Variants in FGF7 observed in about 807,000 individuals in gnomAD.
The protein encoded by FGF7 is FGF-7.
In FGF7, 6 loss-of-function variants were observed where a neutral mutation model predicts 20.5. That is an observed-to-expected ratio of 0.29 (90% confidence interval 0.16 to 0.58). FGF7 has a LOEUF of 0.58. Ranked by LOEUF, FGF7 falls within the 20% of genes least tolerant of loss-of-function variation. The pLI, the probability that FGF7 is intolerant of heterozygous loss-of-function variation, is 0.90. For missense variants in FGF7, 144 were observed against 228.8 expected (o/e 0.63, Z 2.39); for synonymous variants, 64 against 74.7 (o/e 0.86, Z 0.74).
chr15:49,436,353 T>C (rs1445126884), intron 2 of FGF7, among the ~76,000 whole-genome samples: 1 of 151,740 alleles, frequency 6.6e-6, no homozygotes, highest in East Asian at 1.9e-4. Flanking sequence ...CATCATTGTA[T>C]ATTAAGGAGC....
At chr15:49,465,490 C>T (rs1359232425) in intron 2 of FGF7, among the ~76,000 whole-genome samples, 2 of 151,980 alleles carry the variant, frequency 1.3e-5, no homozygotes, top group Non-Finnish European at 2.9e-5. Flanking sequence ...GATATGCTAT[C>T]TTACAGAGTA....
At chr15:49,480,681 C>T (rs1487512218) in intron 2 of FGF7, among the ~76,000 whole-genome samples, 1 of 152,072 alleles carries the variant, frequency 6.6e-6, no homozygotes, top group Non-Finnish European at 1.5e-5. Context: ...CGGGGTTTCG[C>T]CATGTTGGCC....
At chr15:49,438,867 G>A (rs2051349710) in intron 2 of FGF7, among the ~76,000 whole-genome samples, 1 of 151,320 alleles carries the variant, frequency 6.6e-6, no homozygotes, top group African/African-American at 2.4e-5. Context: ...GTGAGAGAAG[G>A]AAAGATAAGA....
chr15:49,472,861 C>T (rs1244375995), intron 2 of FGF7, among the ~76,000 whole-genome samples: 1 of 152,084 alleles, frequency 6.6e-6, no homozygotes, highest in East Asian at 1.9e-4. Flanking sequence ...AAGACATTTC[C>T]CAAATTTGCT....
rs562528406 is a variant in FGF7, at chr15:49,472,984, G to C, written c.287-10167G>C. Among the ~76,000 whole-genome samples the C allele has an allele frequency of 2.6e-5, 4 of 152,258 alleles. No individual in the cohort carries two copies. In the East Asian group the frequency reaches 5.8e-4, roughly 22 times the overall value. ...ATGCCAAATTATAAACAGAATTAAAGTGGCTGAATTAAAACTCACCATTTC... is the reference window on the plus strand; with the variant it reads ...ATGCCAAATTATAAACAGAATTAAACTGGCTGAATTAAAACTCACCATTTC... On this transcript the variant is annotated intron_variant, in intron 2 of 3. Coordinates refer to ENST00000267843, the MANE Select transcript of FGF7 (RefSeq NM_002009.4).
At chr15:49,466,205 C>A (rs2054252204) in intron 2 of FGF7, among the ~76,000 whole-genome samples, 1 of 152,152 alleles carries the variant, frequency 6.6e-6, no homozygotes, top group Non-Finnish European at 1.5e-5. Flanking sequence ...CACCTCAGAC[C>A]TGTTGGATCA....
At chr15:49,441,178 A>G (rs573152487) in intron 2 of FGF7, among the ~76,000 whole-genome samples, 1 of 151,848 alleles carries the variant, frequency 6.6e-6, no homozygotes, top group South Asian at 2.1e-4. Context: ...CAGAAGTGGA[A>G]GAGACTGCAG....
At chr15:49,468,151 T>G (rs1206943577) in intron 2 of FGF7, among the ~76,000 whole-genome samples, 1 of 152,142 alleles carries the variant, frequency 6.6e-6, no homozygotes, top group African/African-American at 2.4e-5. Context: ...GACATAATTA[T>G]TTTTGGTTAA....
At chr15:49,479,229 A>G (rs1467233252) in intron 2 of FGF7, among the ~76,000 whole-genome samples, 4 of 148,364 alleles carry the variant, frequency 2.7e-5, no homozygotes, top group East Asian at 2.0e-4. Flanking sequence ...TTCATGTTCT[A>G]TTGCATGAGC....
intron 2 of FGF7, among the ~76,000 whole-genome samples, chr15:49,463,651 T>C (rs2054005432): frequency 6.6e-6 from 1 of 152,116 alleles, no homozygotes; most frequent in Admixed American, 6.5e-5. Context: ...GTTCGCTGTG[T>C]ATAAGTTGCA....
intron 2 of FGF7, among the ~76,000 whole-genome samples, chr15:49,455,017 A>C (rs949907028): frequency 1.7e-4 from 26 of 152,174 alleles, no homozygotes; most frequent in Admixed American, 1.3e-4. Flanking sequence ...CCTTGCCCCT[A>C]AACAGCAGTA....
At chr15:49,433,946 G>A (rs900691317) in intron 2 of FGF7, among the ~76,000 whole-genome samples, 2 of 151,728 alleles carry the variant, frequency 1.3e-5, no homozygotes, top group African/African-American at 4.8e-5. Context: ...AACAAGCAGT[G>A]GACTGATAAT....
intron 2 of FGF7, among the ~76,000 whole-genome samples, chr15:49,433,270 C>G (rs183792143): frequency 6.6e-6 from 1 of 151,514 alleles, no homozygotes; most frequent in Non-Finnish European, 1.5e-5. Flanking sequence ...ATGATTCTTT[C>G]TGTTTGCATT....
chr15:49,444,222 T>G (rs183211963), intron 2 of FGF7, among the ~76,000 whole-genome samples: 50 of 151,794 alleles, frequency 3.3e-4, no homozygotes, highest in Admixed American at 2.4e-3. Context: ...TAAGGATTTA[T>G]GATTGCTCTC....
rs961588910 is a variant in FGF7, at chr15:49,463,530, G to A, written c.287-19621G>A. Among the ~76,000 whole-genome samples the A allele has an allele frequency of 1.1e-4, 15 of 138,184 alleles. 1 individual carries two copies. Among genetic ancestry groups the A allele is most frequent in the African/African-American group, 1.7e-4 (6 of 35,602 alleles). The allele number at this position is 138,184 out of a possible 152,430, so 90.7% of individuals were successfully genotyped here. On this transcript the variant is annotated intron_variant, in intron 2 of 3. Coordinates refer to ENST00000267843, the MANE Select transcript of FGF7 (RefSeq NM_002009.4). ...TGTGCCACTGCACTCCAGCCTAGGC[G>A]ACACAGTGAGATTCCGTCTCAAAAA...
intron 2 of FGF7, among the ~76,000 whole-genome samples, chr15:49,446,345 C>G (rs17478694): frequency 0.27 from 41,186 of 151,402 alleles, 6,842 homozygotes; most frequent in Non-Finnish European, 0.38. Context: ...GTACAGGTGA[C>G]ATTGTGTAAT....
At chr15:49,456,317 AT>A in intron 2 of FGF7, among the ~76,000 whole-genome samples, 1 of 152,104 alleles carries the variant, frequency 6.6e-6, no homozygotes, top group East Asian at 1.9e-4. Flanking sequence ...GCAGAGTTCT[AT>A]TTAGAAGTTG....
At chr15:49,425,222 C>T (rs748960278) in intron 2 of FGF7, 4 of 151,532 alleles carry the variant, frequency 2.6e-5, no homozygotes, top group Non-Finnish European at 5.9e-5. Context: ...TCTTTTATGT[C>T]ATAAAAGTTC....
chr15:49,440,616 T>C (rs1781684403), intron 2 of FGF7, among the ~76,000 whole-genome samples: 1 of 151,752 alleles, frequency 6.6e-6, no homozygotes, highest in Non-Finnish European at 1.5e-5. Flanking sequence ...GAATAAAAAC[T>C]TCTCTTTATT....
Sources: allele counts gnomAD v4.1 joint callset (sites outside exome capture counted in the v4.1 genomes callset), GRCh38; gene constraint gnomAD v4.1.1; transcripts MANE v1.5; gene names NCBI Gene and HGNC (gene_info 2026-07-23, HGNC 2026-07-21).